Variants in CELSR1 observed in about 807,000 individuals in gnomAD.
CELSR1 encodes adhesion G protein-coupled receptor C1.
Under a neutral mutation model 249.1 loss-of-function variants are expected in CELSR1, and 110 were observed. That is an observed-to-expected ratio of 0.44 (90% CI 0.38 to 0.52). The LOEUF (loss-of-function observed/expected upper bound fraction) is 0.52, where lower values mean the gene tolerates loss of function less well. Ranked by LOEUF, CELSR1 falls within the 20% of genes least tolerant of loss-of-function variation. The probability of loss-of-function intolerance (pLI) is 0.00; values close to 1 mark genes in which losing one functional copy is unlikely to be tolerated. For missense variants in CELSR1, 4,109 were observed against 4,296.4 expected, an observed-to-expected ratio of 0.96 and a Z score of 1.22; for synonymous variants, 2,113 against 1,900.0, an observed-to-expected ratio of 1.11 and a Z score of -2.92.
intron 9 of CELSR1, among the ~76,000 whole-genome samples, chr22:46,404,854 C>A (rs904157177): frequency 2.0e-5 from 3 of 152,064 alleles, no homozygotes; most frequent in African/African-American, 7.2e-5. Flanking sequence ...GAGACAGTTT[C>A]GCTCTTGTTA....
Position 46,406,585 on chromosome 22 carries a change from T to C in CELSR1, c.5226+2411A>G, listed in dbSNP as rs1020333903. On this transcript the variant is annotated intron_variant, in intron 9 of 34. Coordinates refer to ENST00000674500, the MANE Select transcript of CELSR1 (RefSeq NM_001378328.1). This position sits in a 1 kb window ranked among gnomAD's most constrained non-coding sequence, Gnocchi z 5.4. ...CCAGGCACTCATGATGGGGAGGGCA[T>C]GTGCTGGGCAGTCCCTCTGTCCACC... is the stretch of plus-strand genomic sequence containing the variant. Among the ~76,000 whole-genome samples, 6 of 152,170 alleles carry C rather than the reference T, an allele frequency of 3.9e-5. No homozygotes were observed. Among genetic ancestry groups the C allele is most frequent in the African/African-American group, 9.7e-5 (4 of 41,432 alleles).
At chr22:46,449,638 T>C (rs951060364) in intron 2 of CELSR1, among the ~76,000 whole-genome samples, 2 of 152,148 alleles carry the variant, frequency 1.3e-5, no homozygotes, top group Admixed American at 6.5e-5. Flanking sequence ...CCTGCCCTCA[T>C]GGAGTTTCCA....
chr22:46,420,950 G>A (rs891541992), intron 5 of CELSR1, among the ~76,000 whole-genome samples: 1 of 152,128 alleles, frequency 6.6e-6, no homozygotes, highest in Non-Finnish European at 1.5e-5. Context: ...GCAGGAAAAC[G>A]CGACAGCCCT....
intron 1 of CELSR1, among the ~76,000 whole-genome samples, chr22:46,504,954 T>C (rs924487371): frequency 6.6e-6 from 1 of 152,076 alleles, no homozygotes; most frequent in African/African-American, 2.4e-5. Flanking sequence ...CAGTGGAAAA[T>C]GAGGCCATCT....
chr22:46,433,550 C>A lies in CELSR1; in HGVS notation c.4523-69G>T. ...GGGGCCTACTGGGGACCGAGGATTG[C>A]GCTGTGAGGCATCAGGGGGAGACAG... is the stretch of plus-strand genomic sequence containing the variant. On this transcript the variant is annotated intron_variant, in intron 4 of 34. Coordinates refer to ENST00000674500, the MANE Select transcript of CELSR1 (RefSeq NM_001378328.1). This position sits in a 1 kb window ranked among gnomAD's most constrained non-coding sequence, Gnocchi z 5.7. 8.2e-7 allele frequency: 1 copy of A among 1,215,450 alleles called. No individual in the cohort carries two copies. The highest frequency in any genetic ancestry group is 1.2e-6 in the Non-Finnish European group (1 of 839,606). 75.3% of individuals were successfully genotyped at this position (1,215,450 alleles called of 1,614,324 possible).
At position 46,391,593 on chromosome 22, in the gene CELSR1, CCG is replaced by C. The variant is rs1465687499; in HGVS notation, c.6148+38_6148+39del. On this transcript the variant is annotated intron_variant, in intron 15 of 34. Transcript: ENST00000674500. The surrounding 1 kb of genome is among the most constrained non-coding windows in gnomAD (Gnocchi z 4.3). ...TGCACGCCAGTGCAGCAGCCTGTCC[CCG>C]CGCTGTAACCTGCAGGGTGTCGAGG... The C allele has an allele frequency of 8.5e-6, 13 of 1,535,322 alleles. No homozygotes were observed. Among genetic ancestry groups the C allele is most frequent in the Non-Finnish European group, 1.1e-5 (13 of 1,150,338 alleles).
Position 46,378,696 on chromosome 22 carries a change from C to A in CELSR1, c.7278G>T (p.Trp2426Cys). The A allele has an allele frequency of 6.2e-7, 1 of 1,612,598 alleles. No homozygotes were observed. The highest frequency in any genetic ancestry group is 8.5e-7 in the Non-Finnish European group (1 of 1,179,798). The change falls in exon 23 of 35, where the codon TGG becomes TGT. Residue 2426 changes from tryptophan (W) to cysteine (C), a missense_variant. Physicochemically the swap from Trp to Cys is radical, Grantham distance 215 (BLOSUM62 -2). Coordinates refer to ENST00000674500, the MANE Select transcript of CELSR1 (RefSeq NM_001378328.1). ...ACAGGAGCTCGCAGCCCCGGGCAGACCACCCTCCCGTCCCACCAACGCTGC... is the reference window on the plus strand; with the variant it reads ...ACAGGAGCTCGCAGCCCCGGGCAGAACACCCTCCCGTCCCACCAACGCTGC... ...HSLAVGGTGG[W>C]SARGCELLSR...
chr22:46,387,747 C>T (rs1379658268), intron 18 of CELSR1, among the ~76,000 whole-genome samples: 1 of 152,144 alleles, frequency 6.6e-6, no homozygotes, highest in Non-Finnish European at 1.5e-5. Context: ...ATGTCAGAGG[C>T]TGGGACTCTG....
chr22:46,460,180 C>A (rs1010371050), intron 2 of CELSR1, among the ~76,000 whole-genome samples: 5 of 37,612 alleles, frequency 1.3e-4, no homozygotes, highest in African/African-American at 4.6e-4. Context: ...AGTCTCAAAA[C>A]ACACACACAC....
Position 46,427,503 on chromosome 22 carries a change from G to A in CELSR1, c.4611+5890C>T, listed in dbSNP as rs549805745. Among the ~76,000 whole-genome samples the A allele has an allele frequency of 9.9e-5, 15 of 152,250 alleles. No homozygotes were observed. Among genetic ancestry groups the A allele is most frequent in the South Asian group, 8.3e-4 (4 of 4,820 alleles). Reference sequence around the variant, plus strand: ...AGTGAGCCAAGACAGCAACAAAGGCGCCTGGGCGACAGAGCGGGACTCCAT... The same window carrying A: ...AGTGAGCCAAGACAGCAACAAAGGCACCTGGGCGACAGAGCGGGACTCCAT... On this transcript the variant is annotated intron_variant, in intron 5 of 34. Coordinates refer to ENST00000674500, the MANE Select transcript of CELSR1 (RefSeq NM_001378328.1). The surrounding 1 kb of genome is among the most constrained non-coding windows in gnomAD (Gnocchi z 4.2).
intron 1 of CELSR1, among the ~76,000 whole-genome samples, chr22:46,496,886 A>C (rs900937769): frequency 3.3e-5 from 5 of 152,144 alleles, no homozygotes; most frequent in African/African-American, 1.2e-4. Flanking sequence ...AGGAGTACAC[A>C]CTGAAATAAT....
rs1319902125 is a variant in CELSR1 at position 46,380,557 on chromosome 22, G to A, written c.7256+231C>T. Among the ~76,000 whole-genome samples, 1 of 152,240 alleles carries A rather than the reference G, an allele frequency of 6.6e-6. No individual in the cohort carries two copies. The highest frequency in any genetic ancestry group is 2.4e-5 in the African/African-American group (1 of 41,458). ...GATCTCTCTGTGCGCCTGCACATCT[G>A]TATCTCCACGTGCAGGTCTGTGTGC... is the stretch of plus-strand genomic sequence containing the variant. On this transcript the variant is annotated intron_variant, in intron 22 of 34. Transcript: ENST00000674500. This position sits in a 1 kb window ranked among gnomAD's most constrained non-coding sequence, Gnocchi z 5.1.
Position 46,363,895 on chromosome 22 carries a change from G to A in CELSR1, c.9035+101C>T. 2.1e-6 allele frequency: 3 copies of A among 1,402,732 alleles called. No individual in the cohort carries two copies. Among genetic ancestry groups the A allele is most frequent in the Non-Finnish European group, 2.8e-6 (3 of 1,066,866 alleles). 86.9% of individuals were successfully genotyped at this position (1,402,732 alleles called of 1,614,324 possible). ...GCTTCCTCTGCACTCAGGGCTCCAG[G>A]TGAGGTGGGTGTCAGGTCCCTGACC... On this transcript the variant is annotated intron_variant, in intron 34 of 34. Coordinates refer to ENST00000674500, the MANE Select transcript of CELSR1 (RefSeq NM_001378328.1). This position sits in a 1 kb window ranked among gnomAD's most constrained non-coding sequence, Gnocchi z 4.3.
intron 1 of CELSR1, among the ~76,000 whole-genome samples, chr22:46,496,218 A>G (rs866149173): frequency 2.2e-4 from 30 of 135,080 alleles, no homozygotes; most frequent in African/African-American, 8.2e-4. Flanking sequence ...AAAAAAAAAA[A>G]TTGACTCTTT....
rs2078973353 is a variant in CELSR1 at position 46,381,084 on chromosome 22, T to TCGGACCCA, written c.7089-137_7089-130dup. 1.0e-6 allele frequency: 1 copy of TCGGACCCA among 987,812 alleles called. No homozygotes were observed. The highest frequency in any genetic ancestry group is 1.5e-6 in the Non-Finnish European group (1 of 673,008). The allele number at this position is 987,812 out of a possible 1,614,324, so 61.2% of individuals were successfully genotyped here. A position where few individuals can be genotyped will look rare whatever the true frequency, so the allele number is the denominator to read the frequency against. On this transcript the variant is annotated intron_variant, in intron 21 of 34. Coordinates refer to ENST00000674500, the MANE Select transcript of CELSR1 (RefSeq NM_001378328.1). The surrounding 1 kb of genome is among the most constrained non-coding windows in gnomAD (Gnocchi z 6.0). ...GGAGACAGAATCACACTCCGAGAGC[T>TCGGACCCA]CGGACCCACGGACCCCACAGTATCT... is the stretch of plus-strand genomic sequence containing the variant.
rs192513937 is a variant in CELSR1 at position 46,383,334 on chromosome 22, G to A, written c.6883+1209C>T. ...ACCTTTTCACGTCCTTTTTATTTGG[G>A]GAAGGTTTTAGTAATTGTCATGGAT... On this transcript the variant is annotated intron_variant, in intron 20 of 34. Coordinates refer to ENST00000674500, the MANE Select transcript of CELSR1 (RefSeq NM_001378328.1). Among the ~76,000 whole-genome samples, 257 of 152,202 alleles carry A rather than the reference G, an allele frequency of 1.7e-3. 1 individual carries two copies. Among genetic ancestry groups the A allele is most frequent in the African/African-American group, 6.0e-3 (250 of 41,514 alleles).
intron 5 of CELSR1, among the ~76,000 whole-genome samples, chr22:46,421,731 A>C (rs2079474780): frequency 6.6e-6 from 1 of 152,262 alleles, no homozygotes. Context: ...TCCGAGATGC[A>C]GGGTAAGTAA....
chr22:46,399,320 C>G lies in CELSR1; in HGVS notation c.5412+397G>C, dbSNP rs984203257. Among the ~76,000 whole-genome samples, 1 of 152,240 alleles carries G rather than the reference C, an allele frequency of 6.6e-6. No individual in the cohort carries two copies. Among genetic ancestry groups the G allele is most frequent in the African/African-American group, 2.4e-5 (1 of 41,464 alleles). ...TGTCCAGGACCTGGGTCTCACTGCTCTCCCAGTTTTGCTCCCCATCCATGC... is the reference window on the plus strand; with the variant it reads ...TGTCCAGGACCTGGGTCTCACTGCTGTCCCAGTTTTGCTCCCCATCCATGC... On this transcript the variant is annotated intron_variant, in intron 10 of 34. Coordinates refer to ENST00000674500, the MANE Select transcript of CELSR1 (RefSeq NM_001378328.1). This position sits in a 1 kb window ranked among gnomAD's most constrained non-coding sequence, Gnocchi z 5.0.
chr22:46,506,588 C>T lies in CELSR1; in HGVS notation c.3544+27039G>A, dbSNP rs150893853. Among the ~76,000 whole-genome samples, 1 of 152,372 alleles carries T rather than the reference C, an allele frequency of 6.6e-6. No individual in the cohort carries two copies. The highest frequency in any genetic ancestry group is 1.5e-5 in the Non-Finnish European group (1 of 68,034). On this transcript the variant is annotated intron_variant, in intron 1 of 34. Coordinates refer to ENST00000674500, the MANE Select transcript of CELSR1 (RefSeq NM_001378328.1). The surrounding 1 kb of genome is among the most constrained non-coding windows in gnomAD (Gnocchi z 4.1). ...TGTCTCACCTCCTGGAATTCTCACC[C>T]ATTTCCAAGACCACTTCCTTAGGGT...
Sources: allele counts gnomAD v4.1 joint callset (sites outside exome capture counted in the v4.1 genomes callset), GRCh38; gene constraint gnomAD v4.1.1; non-coding constraint Gnocchi (gnomAD v3.1); transcripts MANE v1.5; gene names NCBI Gene and HGNC (gene_info 2026-07-23, HGNC 2026-07-21).